LRP1B: variants seen among roughly 807,000 people sequenced by gnomAD.
LRP1B encodes the protein LDL receptor related protein 1B.
A neutral mutation model predicts 556.6 loss-of-function variants in LRP1B; 217 were observed. That is an observed-to-expected ratio of 0.39 (90% confidence interval 0.35 to 0.44). The LOEUF (loss-of-function observed/expected upper bound fraction) is 0.44, where lower values mean the gene tolerates loss of function less well. LRP1B is among the 20% of genes least tolerant of loss of function. The probability of loss-of-function intolerance (pLI) is 1.00; values close to 1 mark genes in which losing one functional copy is unlikely to be tolerated. For synonymous variants in LRP1B, 2,047 were observed against 1,865.8 expected (o/e 1.10, Z -2.50); for missense variants, 5,053 against 5,620.8 (o/e 0.90, Z 3.23).
chr2:141,899,366 A>G lies in LRP1B; in HGVS notation c.83-88965T>C, dbSNP rs1399583597. ...TATGCTGTGGTAAATACTTTTTATT[A>G]TACTCAACAGAAAAGTAAATAGACT... On this transcript the variant is annotated intron_variant, in intron 1 of 90. Coordinates refer to ENST00000389484, the MANE Select transcript of LRP1B (RefSeq NM_018557.3). Among the ~76,000 whole-genome samples the G allele has an allele frequency of 2.0e-5, 3 of 152,142 alleles. No homozygotes were observed. In the East Asian group the frequency reaches 5.8e-4, roughly 29 times the overall value.
chr2:140,868,182 G>C lies in LRP1B; in HGVS notation c.4251C>G (p.Ile1417Met), dbSNP rs2105156296. ...AAGCCCCAGTTTTCATGTCTTTATAGATGGTTTTTCTCCCAGCACCACTCA... is the reference window on the plus strand; with the variant it reads ...AAGCCCCAGTTTTCATGTCTTTATACATGGTTTTTCTCCCAGCACCACTCA... ...ASMSGAGRKT[I>M]YKDMKTGAWP... is the part of the protein sequence containing the mutation. Residue 1417 changes from isoleucine (I) to methionine (M), a missense_variant, in exon 26 of 91, where the codon ATC becomes ATG. By Grantham distance (10) the Ile-to-Met change is conservative (BLOSUM62 1). Around this residue, in one of 5 missense-constraint regions of LRP1B, gnomAD observed 3,619 missense variants for 3,931.9 expected, o/e 0.92. Coordinates refer to ENST00000389484, the MANE Select transcript of LRP1B (RefSeq NM_018557.3). The C allele has an allele frequency of 2.5e-6, 4 of 1,607,626 alleles. No individual in the cohort carries two copies. Among genetic ancestry groups the C allele is most frequent in the Non-Finnish European group, 3.4e-6 (4 of 1,177,432 alleles).
At chr2:140,745,071 T>C (rs1175433905) in intron 35 of LRP1B, among the ~76,000 whole-genome samples, 1 of 152,182 alleles carries the variant, frequency 6.6e-6, no homozygotes, top group Non-Finnish European at 1.5e-5. Flanking sequence ...GAAATTAGCC[T>C]GGTAGTAGAA....
At chr2:140,846,926 C>T (rs546196492) in intron 29 of LRP1B, among the ~76,000 whole-genome samples, 1 of 152,280 alleles carries the variant, frequency 6.6e-6, no homozygotes, top group East Asian at 1.9e-4. Context: ...ATATATCCAT[C>T]TTTAACAAAG....
chr2:140,798,142 A>G (rs1690381973), intron 32 of LRP1B, among the ~76,000 whole-genome samples: 1 of 152,174 alleles, frequency 6.6e-6, no homozygotes, highest in Non-Finnish European at 1.5e-5. Context: ...CACTGGGAAT[A>G]TAAGCTACCT....
chr2:141,135,593 G>A (rs1366674895), intron 7 of LRP1B, among the ~76,000 whole-genome samples: 1 of 151,940 alleles, frequency 6.6e-6, no homozygotes, highest in African/African-American at 2.4e-5. Context: ...CTCATTGAGC[G>A]ATCTAGTTTA....
At chr2:140,460,494 A>G (rs745565565) in intron 60 of LRP1B, among the ~76,000 whole-genome samples, 2 of 152,176 alleles carry the variant, frequency 1.3e-5, no homozygotes, top group Non-Finnish European at 2.9e-5. Context: ...GTTGCCTAAA[A>G]ATGATGATGA....
At chr2:140,317,276 C>T (rs1292817151) in intron 82 of LRP1B, among the ~76,000 whole-genome samples, 1 of 152,002 alleles carries the variant, frequency 6.6e-6, no homozygotes, top group Non-Finnish European at 1.5e-5. Flanking sequence ...CTTAAAAAAG[C>T]AGGGAGACTC....
intron 18 of LRP1B, among the ~76,000 whole-genome samples, chr2:140,952,304 A>G (rs1695740645): frequency 6.6e-6 from 1 of 151,896 alleles, no homozygotes; most frequent in Non-Finnish European, 1.5e-5. Context: ...GCTGCAAAGT[A>G]ATGTGTTTAT....
At chr2:140,337,006 T>C (rs953352040) in intron 77 of LRP1B, among the ~76,000 whole-genome samples, 3 of 151,814 alleles carry the variant, frequency 2.0e-5, no homozygotes, top group African/African-American at 7.3e-5. Context: ...AGTGGAAATA[T>C]GAGTTTTTAA....
chr2:140,234,665 T>G (rs1680616443), intron 90 of LRP1B, 121 bp downstream of exon 90: 2 of 589,164 alleles, frequency 3.4e-6, no homozygotes. Context: ...AAATGCTATT[T>G]TGAAATCTCT....
At chr2:141,465,165 G>A (rs1214491339) in intron 3 of LRP1B, among the ~76,000 whole-genome samples, 1 of 151,698 alleles carries the variant, frequency 6.6e-6, no homozygotes. Context: ...AGTAGGGTTG[G>A]CTGACCAGAA....
chr2:140,372,261 G>A (rs1040032793), intron 69 of LRP1B, among the ~76,000 whole-genome samples: 8 of 152,092 alleles, frequency 5.3e-5, no homozygotes, highest in Admixed American at 5.2e-4. Flanking sequence ...CTAATAACAT[G>A]TCTGTATTCA....
rs200426930 is a variant in LRP1B, at chr2:140,450,648, G to C, written c.9977C>G (p.Thr3326Ser). ...CCACCAGAATGGAATACATTTGTCA[G>C]TTTTGCAACGAAACTTAAAAAAGAA... ...NCTASQFRCK[T>S]DKCIPFWWKC... The change falls in exon 63 of 91, where the codon ACT becomes AGT. Residue 3326 changes from threonine to serine, a missense_variant. Thr to Ser is a moderately conservative substitution (Grantham distance 58). Coordinates refer to ENST00000389484, the MANE Select transcript of LRP1B (RefSeq NM_018557.3). The C allele has an allele frequency of 5.0e-6, 8 of 1,606,724 alleles. No homozygotes were observed. The East Asian group carries it at 1.8e-4, about 36-fold the overall frequency.
chr2:140,519,210 ATAC>A (rs1287692622), intron 49 of LRP1B, among the ~76,000 whole-genome samples: 2 of 152,168 alleles, frequency 1.3e-5, no homozygotes, highest in African/African-American at 4.8e-5. Context: ...ACTTCAAACT[ATAC>A]TACAAGGCCA....
intron 13 of LRP1B, 22 bp from the exon 14 acceptor site, chr2:141,013,767 T>C (rs1314284123): frequency 2.8e-6 from 4 of 1,444,470 alleles, no homozygotes; most frequent in Non-Finnish European, 2.8e-6. Context: ...AAACACATTG[T>C]GAAAAATCAG....
intron 2 of LRP1B, among the ~76,000 whole-genome samples, chr2:141,723,150 T>C (rs1692900013): frequency 6.6e-6 from 1 of 152,058 alleles, no homozygotes; most frequent in African/African-American, 2.4e-5. Flanking sequence ...TGGCCCTCAG[T>C]GCTCTCCCAG....
intron 2 of LRP1B, among the ~76,000 whole-genome samples, chr2:141,771,264 C>CA (rs111877837): frequency 0.13 from 20,320 of 151,574 alleles, 1,484 homozygotes; most frequent in Non-Finnish European, 0.16. Flanking sequence ...CTTAATTAGC[C>CA]AAAAAAAACT....
At chr2:140,405,115 T>A (rs1684674513) in intron 66 of LRP1B, among the ~76,000 whole-genome samples, 2 of 152,170 alleles carry the variant, frequency 1.3e-5, no homozygotes, top group South Asian at 4.1e-4. Flanking sequence ...CTGCTCCTGA[T>A]CTAGGTTAAC....
chr2:140,465,346 A>C lies in LRP1B; in HGVS notation c.9626-7695T>G, dbSNP rs528731864. Among the ~76,000 whole-genome samples the C allele has an allele frequency of 2.6e-5, 4 of 152,240 alleles. No homozygotes were observed. The East Asian group carries it at 5.8e-4, about 22-fold the overall frequency. On this transcript the variant is annotated intron_variant, in intron 60 of 90. Transcript: ENST00000389484. ...AGATTTGGACAGGAAAAAATATCCA[A>C]ACTGTATCAGTGTTCTAGGTAGTCC...
Sources: allele counts gnomAD v4.1 joint callset (sites outside exome capture counted in the v4.1 genomes callset), GRCh38; gene constraint gnomAD v4.1.1; regional missense constraint gnomAD v4.1.1; transcripts MANE v1.5; gene names NCBI Gene and HGNC (gene_info 2026-07-23, HGNC 2026-07-21).